The following MEGF11 variants were observed in gnomAD, a reference collection of about 807,000 sequenced individuals.
MEGF11 encodes the protein multiple EGF like domains 11, also known as multiple epidermal growth factor-like domains protein 11.
MEGF11 carries 126 observed loss-of-function variants against 146.6 expected under a neutral mutation model. The observed-to-expected ratio is 0.86, with a 90% CI of 0.74 to 1.00. The LOEUF (loss-of-function observed/expected upper bound fraction) is 1.00, where lower values mean the gene tolerates loss of function less well. MEGF11 is among the 50% of genes least tolerant of loss of function. The pLI, the probability that MEGF11 is intolerant of heterozygous loss-of-function variation, is 0.00. For synonymous variants in MEGF11, 532 were observed against 583.4 expected (o/e 0.91, Z 1.27); for missense variants, 1,509 against 1,521.2 (o/e 0.99, Z 0.13).
chr15:66,136,723 C>T (rs1252224388), intron 1 of MEGF11, among the ~76,000 whole-genome samples: 1 of 152,194 alleles, frequency 6.6e-6, no homozygotes, highest in Non-Finnish European at 1.5e-5. Context: ...TTGTTGCATT[C>T]TCTCTTGATA....
chr15:66,134,092 G>C (rs372183466), intron 1 of MEGF11, among the ~76,000 whole-genome samples: 28 of 152,302 alleles, frequency 1.8e-4, no homozygotes, highest in African/African-American at 6.5e-4. Flanking sequence ...TCAAGAGACT[G>C]TCCTGTCCCC....
intron 5 of MEGF11, among the ~76,000 whole-genome samples, chr15:66,044,952 G>A (rs772527638): frequency 6.6e-6 from 1 of 151,920 alleles, no homozygotes; most frequent in African/African-American, 2.4e-5. Context: ...CACAGAACGA[G>A]GAGCTGGGAG....
Position 65,957,695 on chromosome 15 carries a change from G to A in MEGF11, c.1139C>T (p.Thr380Ile), listed in dbSNP as rs767373438. The A allele has an allele frequency of 1.9e-6, 3 of 1,613,838 alleles. No individual in the cohort carries two copies. Among genetic ancestry groups the A allele is most frequent in the South Asian group, 2.2e-5 (2 of 91,074 alleles). Residue 380 changes from threonine (T) to isoleucine (I), a missense_variant, in exon 10 of 26, where the codon ACC becomes ATC. Thr to Ile is a moderately conservative substitution (Grantham distance 89). Coordinates refer to ENST00000395614, the MANE Select transcript of MEGF11 (RefSeq NM_001385028.1). ...ISCHPVTGAC[T>I]CQPGWSGHHC... ...GTGACCAGACCAGCCTGGCTGGCAG[G>A]TACAAGCTCCAGTTACTGGGTGGCA...
Position 65,996,055 on chromosome 15 carries a change from C to A in MEGF11, c.395-13567G>T, listed in dbSNP as rs183541398. ...CCTCCACCCTCCCTGCCTCTCACCC[C>A]ATCTGGGAGCTGTGGACACTGGGGT... On this transcript the variant is annotated intron_variant, in intron 5 of 25. Transcript: ENST00000395614. 1.2e-4 allele frequency among the ~76,000 whole-genome samples: 18 copies of A among 152,340 alleles called. No homozygotes were observed. The East Asian group carries it at 1.7e-3, about 15-fold the overall frequency.
chr15:66,033,417 C>A (rs1280743958), intron 5 of MEGF11, among the ~76,000 whole-genome samples: 4 of 152,242 alleles, frequency 2.6e-5, no homozygotes, highest in African/African-American at 9.6e-5. Context: ...TCCAGCACAG[C>A]ATAGTGCTCC....
intron 1 of MEGF11, among the ~76,000 whole-genome samples, chr15:66,198,738 G>A (rs773332090): frequency 5.9e-5 from 9 of 152,048 alleles, no homozygotes; most frequent in East Asian, 3.9e-4. Context: ...CACTCACCTC[G>A]CCTCCGAAAG....
chr15:66,060,041 G>A (rs1195084932), intron 5 of MEGF11, among the ~76,000 whole-genome samples: 1 of 152,022 alleles, frequency 6.6e-6, no homozygotes, highest in Non-Finnish European at 1.5e-5. Context: ...GATGGGGGCA[G>A]GCGGGGAACC....
intron 4 of MEGF11, among the ~76,000 whole-genome samples, chr15:66,103,153 G>A (rs899091974): frequency 3.9e-5 from 6 of 152,332 alleles, no homozygotes; most frequent in African/African-American, 1.2e-4. Context: ...TGAGGTGACC[G>A]CACACAGTGG....
chr15:66,220,874 T>C (rs979777319), intron 1 of MEGF11, among the ~76,000 whole-genome samples: 15 of 152,118 alleles, frequency 9.9e-5, no homozygotes, highest in Non-Finnish European at 2.1e-4. Context: ...GCAGTTCTGA[T>C]TGTGGTCGTG....
intron 5 of MEGF11, among the ~76,000 whole-genome samples, chr15:66,068,449 G>A (rs2085230119): frequency 6.6e-6 from 1 of 152,126 alleles, no homozygotes; most frequent in African/African-American, 2.4e-5. Context: ...AATATCTCCA[G>A]ACATTGCCAA....
chr15:65,927,970 G>A (rs1024122414), intron 13 of MEGF11, among the ~76,000 whole-genome samples: 2 of 152,230 alleles, frequency 1.3e-5, no homozygotes, highest in African/African-American at 2.4e-5. Flanking sequence ...GGGCAAGAGC[G>A]GAGGCCAAGG....
At chr15:66,079,857 T>G (rs2085771199) in intron 5 of MEGF11, among the ~76,000 whole-genome samples, 1 of 152,184 alleles carries the variant, frequency 6.6e-6, no homozygotes, top group Non-Finnish European at 1.5e-5. Flanking sequence ...CTCCATGGGC[T>G]GCCCCTTCCC....
chr15:65,989,238 A>G (rs2081960650), intron 5 of MEGF11, among the ~76,000 whole-genome samples: 1 of 152,070 alleles, frequency 6.6e-6, no homozygotes, highest in South Asian at 2.1e-4. Flanking sequence ...CATTCCATAG[A>G]CAGGAATCCT....
intron 4 of MEGF11, among the ~76,000 whole-genome samples, chr15:66,095,013 C>A (rs2086481603): frequency 6.6e-6 from 1 of 152,122 alleles, no homozygotes; most frequent in South Asian, 2.1e-4. Flanking sequence ...CAAATGTCAG[C>A]AAATCTGCAA....
chr15:66,167,318 T>G (rs1191247114), intron 1 of MEGF11, among the ~76,000 whole-genome samples: 1 of 152,176 alleles, frequency 6.6e-6, no homozygotes, highest in Non-Finnish European at 1.5e-5. Flanking sequence ...CACATGCCCT[T>G]CTGCTGCTTC....
intron 5 of MEGF11, among the ~76,000 whole-genome samples, chr15:66,026,262 C>T (rs1049630481): frequency 3.3e-5 from 5 of 152,210 alleles, no homozygotes; most frequent in African/African-American, 1.2e-4. Context: ...GGAGGTGTGG[C>T]GAGGAGCCTG....
At chr15:66,193,640 T>C (rs1057140342) in intron 1 of MEGF11, among the ~76,000 whole-genome samples, 8 of 152,134 alleles carry the variant, frequency 5.3e-5, no homozygotes, top group African/African-American at 1.9e-4. Context: ...GGGCTGACTT[T>C]GTATACGTGG....
intron 1 of MEGF11, among the ~76,000 whole-genome samples, chr15:66,175,902 T>C (rs1320186618): frequency 6.6e-6 from 1 of 152,056 alleles, no homozygotes; most frequent in African/African-American, 2.4e-5. Flanking sequence ...GAAGAAAACA[T>C]TTGCAAAATA....
At chr15:66,141,794 T>C (rs2100898) in intron 1 of MEGF11, among the ~76,000 whole-genome samples, 117,429 of 152,028 alleles carry the variant, frequency 0.77, 46,347 homozygotes, top group East Asian at 0.99. Flanking sequence ...CACAATATCC[T>C]GTGTGTATTT....
Sources: gnomAD v4.1 joint callset for allele counts (sites outside exome capture counted in the v4.1 genomes callset) on GRCh38, gnomAD v4.1.1 for gene constraint, MANE v1.5 for transcripts, NCBI Gene and HGNC (gene_info 2026-07-23, HGNC 2026-07-21) for gene names.